Variants in STXBP5 observed in about 807,000 individuals in gnomAD.
The protein encoded by STXBP5 is syntaxin binding protein 5.
Under a neutral mutation model 152.4 loss-of-function variants are expected in STXBP5, and 50 were observed. The observed-to-expected ratio is 0.33, with a 90% confidence interval of 0.26 to 0.42. The LOEUF (loss-of-function observed/expected upper bound fraction) is 0.42, where lower values mean the gene tolerates loss of function less well. Among genes scored for constraint, STXBP5 ranks in the 10% least tolerant of loss-of-function variants. The pLI is 1.00. For missense variants in STXBP5, 1,167 were observed against 1,388.6 expected (o/e 0.84, Z 2.54); for synonymous variants, 492 against 494.7 (o/e 0.99, Z 0.07).
chr6:147,310,644 G>A (rs1279639614), intron 10 of STXBP5, among the ~76,000 whole-genome samples: 2 of 152,038 alleles, frequency 1.3e-5, no homozygotes, highest in African/African-American at 4.8e-5. Context: ...TGGAAATTCA[G>A]GAAGGCATTC....
At chr6:147,314,099 T>C in intron 12 of STXBP5, 68 bp downstream of exon 12, 1 of 1,506,784 alleles carries the variant, frequency 6.6e-7, no homozygotes, top group Non-Finnish European at 9.0e-7. Context: ...CACCTTGGAG[T>C]ATTTGATAAC....
intron 15 of STXBP5, among the ~76,000 whole-genome samples, 169 bp from the exon 16 acceptor site, chr6:147,316,060 G>A (rs947637850): frequency 2.6e-5 from 4 of 151,954 alleles, no homozygotes; most frequent in African/African-American, 7.3e-5. Context: ...AGTCAAGAAC[G>A]TTTTCTTTCT....
chr6:147,205,879 A>C, intron 1 of STXBP5, 92 bp from the exon 2 acceptor site: 1 of 878,444 alleles, frequency 1.1e-6, no homozygotes. Context: ...CATCAGTGGT[A>C]GTGGTTCTAA....
intron 26 of STXBP5, among the ~76,000 whole-genome samples, chr6:147,376,360 C>T (rs1043127801): frequency 6.6e-6 from 1 of 152,028 alleles, no homozygotes; most frequent in Non-Finnish European, 1.5e-5. Flanking sequence ...GCAGATAAAT[C>T]ACAGTCATTC....
At chr6:147,222,943 G>T (rs1777532760) in intron 2 of STXBP5, among the ~76,000 whole-genome samples, 1 of 152,200 alleles carries the variant, frequency 6.6e-6, no homozygotes, top group African/African-American at 2.4e-5. Flanking sequence ...ACAGAGGTTT[G>T]TGCTTATGGG....
chr6:147,382,812 C>G lies in STXBP5; in HGVS notation c.3228C>G (p.Ser1076Arg), dbSNP rs1786154813. The part of the protein sequence containing the change: ...GESSSGKASR[S>R]LAQHIPGPGG... ...CGTCCTCAGGAAAGGCTTCAAGGAG[C>G]CTTGCACAGCATATTCCTGGCCCTG... Residue 1076 changes from serine (S) to arginine (R), a missense_variant, in exon 27 of 28, where the codon AGC (serine) becomes AGG (arginine). Physicochemically the swap from Ser to Arg is moderately radical, Grantham distance 110. Transcript: ENST00000321680. 2 of 1,613,454 alleles carry G rather than the reference C, an allele frequency of 1.2e-6. No individual in the cohort carries two copies. The highest frequency in any genetic ancestry group is 1.1e-5 in the South Asian group (1 of 91,062).
chr6:147,204,794 A>G lies in STXBP5; in HGVS notation c.150+112A>G. The G allele has an allele frequency of 1.7e-6, 2 of 1,195,464 alleles. No individual in the cohort carries two copies. Among genetic ancestry groups the G allele is most frequent in the Non-Finnish European group, 2.3e-6 (2 of 883,500 alleles). 74.1% of individuals were successfully genotyped at this position (1,195,464 alleles called of 1,614,324 possible). ...AAGGGAAGAGAACGCCAATAATAAT[A>G]ATAATAACTCTAATAAAAGGCTCGC... On this transcript the variant is annotated intron_variant, in intron 1 of 27. Transcript: ENST00000321680. The surrounding 1 kb of genome is among the most constrained non-coding windows in gnomAD (Gnocchi z 4.3).
intron 10 of STXBP5, 63 bp downstream of exon 10, chr6:147,310,301 ACC>A: frequency 3.0e-6 from 3 of 993,884 alleles, no homozygotes; most frequent in Non-Finnish European, 4.0e-6. Flanking sequence ...AAAAAAAAAG[ACC>A]TAGGTTGTTT....
intron 9 of STXBP5, among the ~76,000 whole-genome samples, chr6:147,305,690 G>T (rs1000268064): frequency 8.5e-5 from 13 of 152,088 alleles, no homozygotes; most frequent in Non-Finnish European, 1.5e-5. Flanking sequence ...AGAATTTTAG[G>T]AATTTGATAT....
chr6:147,355,507 A>G (rs1784776881), intron 22 of STXBP5, among the ~76,000 whole-genome samples: 1 of 152,140 alleles, frequency 6.6e-6, no homozygotes, highest in Non-Finnish European at 1.5e-5. Flanking sequence ...TCTGACATCT[A>G]AACTAGAACT....
intron 25 of STXBP5, among the ~76,000 whole-genome samples, chr6:147,364,483 A>C (rs560948000): frequency 1.3e-5 from 2 of 152,326 alleles, no homozygotes; most frequent in Admixed American, 6.5e-5. Context: ...ACACACACAC[A>C]GTCCTTTTTA....
intron 4 of STXBP5, among the ~76,000 whole-genome samples, chr6:147,241,062 C>T (rs1173522108): frequency 6.6e-6 from 1 of 152,142 alleles, no homozygotes; most frequent in African/African-American, 2.4e-5. Context: ...AACAGGGAAC[C>T]ATATCACATT....
chr6:147,213,477 T>TGTGCGCGCGCGCGCGC, intron 2 of STXBP5, among the ~76,000 whole-genome samples: 86 of 131,310 alleles, frequency 6.5e-4, no homozygotes, highest in African/African-American at 2.5e-3. Flanking sequence ...TGTGTGTGTG[T>TGTGCGCGCGCGCGCGC]GCGCGCGCAT....
intron 2 of STXBP5, among the ~76,000 whole-genome samples, chr6:147,213,461 T>TGCGCGCGCGC (rs1776978438): frequency 1.4e-5 from 2 of 144,236 alleles, no homozygotes; most frequent in Non-Finnish European, 3.0e-5. Context: ...TGTGTGTGTG[T>TGCGCGCGCGC]GTGTGTGTGT....
intron 9 of STXBP5, among the ~76,000 whole-genome samples, chr6:147,303,351 C>T (rs530115979): frequency 9.2e-5 from 14 of 152,216 alleles, no homozygotes; most frequent in Admixed American, 6.5e-4. Context: ...CCCCTTTGCT[C>T]GGCTCTCTGT....
chr6:147,351,144 G>T (rs1196759611), intron 21 of STXBP5, among the ~76,000 whole-genome samples: 1 of 152,176 alleles, frequency 6.6e-6, no homozygotes, highest in Non-Finnish European at 1.5e-5. Flanking sequence ...CAAAAGTGTG[G>T]TCCACAGACC....
intron 2 of STXBP5, among the ~76,000 whole-genome samples, chr6:147,218,130 A>G (rs1777268213): frequency 6.6e-6 from 1 of 152,196 alleles, no homozygotes; most frequent in African/African-American, 2.4e-5. Context: ...TGCCTGTCCC[A>G]AAACATTCGT....
chr6:147,293,743 C>T (rs920497069), intron 9 of STXBP5, among the ~76,000 whole-genome samples: 1 of 152,122 alleles, frequency 6.6e-6, no homozygotes, highest in Non-Finnish European at 1.5e-5. Context: ...AGGTTAGGTC[C>T]TCCAATAATA....
At chr6:147,367,129 A>G (rs754857456) in intron 25 of STXBP5, among the ~76,000 whole-genome samples, 1 of 152,226 alleles carries the variant, frequency 6.6e-6, no homozygotes, top group Non-Finnish European at 1.5e-5. Context: ...AATAAAATCA[A>G]ACTTCTAAAG....
Sources: gnomAD v4.1 joint callset for allele counts (sites outside exome capture counted in the v4.1 genomes callset) on GRCh38, gnomAD v4.1.1 for gene constraint, Gnocchi (gnomAD v3.1) non-coding constraint, MANE v1.5 for transcripts, NCBI Gene and HGNC (gene_info 2026-07-23, HGNC 2026-07-21) for gene names.